Variants in SLC9A7 observed in about 807,000 individuals in gnomAD.
SLC9A7 encodes sodium/hydrogen exchanger 7.
Under a neutral mutation model 52.6 loss-of-function variants are expected in SLC9A7, and 19 were observed. That is an observed-to-expected ratio of 0.36 (90% CI 0.25 to 0.53). The LOEUF is 0.53. Ranked by LOEUF, SLC9A7 falls within the 20% of genes least tolerant of loss-of-function variation. SLC9A7 has a pLI of 0.91. For synonymous variants in SLC9A7, 226 were observed against 252.1 expected (o/e 0.90, Z 0.98); for missense variants, 455 against 597.9 (o/e 0.76, Z 2.49).
At chrX:46,683,766 T>C (rs1322568796) in intron 1 of SLC9A7, among the ~76,000 whole-genome samples, 1 of 111,916 alleles carries the variant, frequency 8.9e-6, no homozygotes, top group Non-Finnish European at 1.9e-5. Flanking sequence ...AGAAGGAAAA[T>C]TTCAGACTTC....
Position 46,705,433 on chromosome X carries a change from C to G in SLC9A7, c.326-22898G>C, listed in dbSNP as rs180822693. Among the ~76,000 whole-genome samples the G allele has an allele frequency of 1.6e-4, 18 of 112,126 alleles. No homozygotes were observed. The Admixed American group carries it at 1.7e-3, about 11-fold the overall frequency. On this transcript the variant is annotated intron_variant, in intron 1 of 16. Transcript: ENST00000616978. ...GCATCATACCTCCCAGGGGAAAAAA[C>G]TTAAAATCACACCTCCAATTAAGAA... is the stretch of plus-strand genomic sequence containing the variant.
chrX:46,710,770 C>G (rs557262612), intron 1 of SLC9A7, among the ~76,000 whole-genome samples: 2 of 105,196 alleles, frequency 1.9e-5, no homozygotes, highest in Middle Eastern at 4.7e-3. Flanking sequence ...ATGGACCCAT[C>G]AGGCTTTTCC....
chrX:46,730,670 T>TATATATATATATATA (rs1491295251), intron 1 of SLC9A7, among the ~76,000 whole-genome samples: 5 of 42,917 alleles, frequency 1.2e-4, no homozygotes, highest in East Asian at 9.5e-4. Flanking sequence ...AAAAAAAAAA[T>TATATATATATATATA]TATATATATA....
intron 7 of SLC9A7, among the ~76,000 whole-genome samples, chrX:46,658,939 A>C (rs1232008451): frequency 9.0e-6 from 1 of 111,464 alleles, no homozygotes; most frequent in Non-Finnish European, 1.9e-5. Flanking sequence ...ATTTTAGACC[A>C]ATATCCTTGA....
At chrX:46,727,051 C>G (rs12397070) in intron 1 of SLC9A7, among the ~76,000 whole-genome samples, 26,354 of 110,853 alleles carry the variant, frequency 0.24, 2,477 homozygotes, top group South Asian at 0.4. Flanking sequence ...AGGCCAGGGT[C>G]ACTCTCAGGT....
At chrX:46,646,799 A>C in intron 11 of SLC9A7, 1 of 335,487 alleles carries the variant, frequency 3.0e-6, no homozygotes, top group Non-Finnish European at 5.8e-6. Context: ...ATGGGCTGTA[A>C]TCAGTACCCA....
intron 14 of SLC9A7, among the ~76,000 whole-genome samples, chrX:46,625,186 T>C (rs760588744): frequency 1.4e-3 from 153 of 111,702 alleles, no homozygotes; most frequent in African/African-American, 4.6e-3. Flanking sequence ...TCCATTCTTA[T>C]ATAATATTAA....
In SLC9A7 at chrX:46,749,882, A is replaced by G. The variant is rs112087756; in HGVS notation, c.325+8823T>C. On this transcript the variant is annotated intron_variant, in intron 1 of 16. Coordinates refer to ENST00000616978, the MANE Select transcript of SLC9A7 (RefSeq NM_001257291.2). ...GATCACTTGAGGTCAGGAGTTTGAG[A>G]CCAGCCTGGCCAACATCGTGAAACC... Among the ~76,000 whole-genome samples the G allele has an allele frequency of 7.1e-3, 788 of 110,379 alleles. 9 individuals are homozygous for G. The highest frequency in any genetic ancestry group is 0.024 in the African/African-American group (724 of 30,361).
intron 1 of SLC9A7, among the ~76,000 whole-genome samples, chrX:46,723,485 A>G (rs1248454594): frequency 9.1e-6 from 1 of 110,364 alleles, no homozygotes; most frequent in Non-Finnish European, 1.9e-5. Flanking sequence ...AAGGCAAAGT[A>G]GGAGACTACA....
intron 10 of SLC9A7, among the ~76,000 whole-genome samples, chrX:46,650,451 T>C (rs965921481): frequency 1.8e-5 from 2 of 111,571 alleles, no homozygotes; most frequent in African/African-American, 6.5e-5. Context: ...ATTTTTCTAT[T>C]TTATCTTTTC....
intron 15 of SLC9A7, 76 bp from the exon 16 acceptor site, chrX:46,613,470 G>A (rs761478066): frequency 1.8e-5 from 13 of 720,195 alleles, no homozygotes; most frequent in South Asian, 1.7e-4. Flanking sequence ...AAAATTGCCC[G>A]ACATTCCACC....
intron 3 of SLC9A7, among the ~76,000 whole-genome samples, chrX:46,678,412 T>TTTTTTTTATTTATTTA (rs1556148043): frequency 1.2e-4 from 11 of 91,000 alleles, no homozygotes; most frequent in Non-Finnish European, 1.7e-4. Context: ...TGGCATTTGT[T>TTTTTTTTATTTATTTA]TTTATTTATT....
chrX:46,748,395 GGAAGGAA>G, intron 1 of SLC9A7, among the ~76,000 whole-genome samples: 1 of 103,309 alleles, frequency 9.7e-6, no homozygotes, highest in African/African-American at 3.5e-5. Flanking sequence ...AAGGAAGGAA[GGAAGGAA>G]GGAAGGAAGG....
At chrX:46,659,411 T>C (rs1943769762) in intron 7 of SLC9A7, among the ~76,000 whole-genome samples, 1 of 76,017 alleles carries the variant, frequency 1.3e-5, no homozygotes, top group Admixed American at 1.6e-4. Context: ...GGTATTCAAT[T>C]AGGAAAAGAG....
At chrX:46,616,107 G>A (rs1236253515) in intron 15 of SLC9A7, among the ~76,000 whole-genome samples, 4 of 106,601 alleles carry the variant, frequency 3.8e-5, no homozygotes, top group African/African-American at 1.4e-4. Flanking sequence ...GATGGCTTGA[G>A]CCCAGAAATT....
At chrX:46,701,359 G>A (rs749041865) in intron 1 of SLC9A7, among the ~76,000 whole-genome samples, 11 of 111,256 alleles carry the variant, frequency 9.9e-5, no homozygotes, top group East Asian at 2.8e-4. Flanking sequence ...AGGCCGAGGC[G>A]GGTGGATCAC....
In SLC9A7 at chrX:46,759,005, G is replaced by A; in HGVS notation, c.25C>T (p.Pro9Ser). Residue 9 changes from proline (P) to serine (S), a missense_variant, in exon 1 of 17, where the codon CCT becomes TCT. Around this residue, in one of 3 missense-constraint regions of SLC9A7, gnomAD observed 304 missense variants for 417.8 expected, o/e 0.73. Coordinates refer to ENST00000616978, the MANE Select transcript of SLC9A7 (RefSeq NM_001257291.2). Reference sequence around the variant, plus strand: ...GCCCCGGTAGCCCGACCCGAGCCAGGGCGCGCCGCGTCACCAGGCTCCATG... The same window carrying A: ...GCCCCGGTAGCCCGACCCGAGCCAGAGCGCGCCGCGTCACCAGGCTCCATG... MEPGDAAR[P>S]GSGRATGAPP... The A allele has an allele frequency of 1.5e-5, 15 of 971,146 alleles. No homozygotes were observed. The highest frequency in any genetic ancestry group is 1.9e-5 in the Non-Finnish European group (15 of 780,006). 80.0% of individuals were successfully genotyped at this position (971,146 alleles called of 1,213,427 possible).
intron 7 of SLC9A7, 102 bp downstream of exon 7, chrX:46,661,914 A>C (rs1343261904): frequency 2.6e-6 from 2 of 768,963 alleles, no homozygotes; most frequent in Non-Finnish European, 3.7e-6. Flanking sequence ...GGAACACTCA[A>C]TGTAAAATTC....
intron 1 of SLC9A7, among the ~76,000 whole-genome samples, chrX:46,739,269 T>G (rs1921145083): frequency 9.0e-6 from 1 of 111,710 alleles, no homozygotes. Context: ...TAGTTCTTCT[T>G]GACCCTGACC....
Sources: gnomAD v4.1 joint callset for allele counts (sites outside exome capture counted in the v4.1 genomes callset) on GRCh38, gnomAD v4.1.1 for gene constraint, gnomAD v4.1.1 regional missense constraint, MANE v1.5 for transcripts, NCBI Gene and HGNC (gene_info 2026-07-23, HGNC 2026-07-21) for gene names.